The following ZNF90 variants were observed in gnomAD, a reference collection of about 807,000 sequenced individuals.
ZNF90 encodes zinc finger protein HTF9.
Under a neutral mutation model 12.0 loss-of-function variants are expected in ZNF90, and 11 were observed. The observed-to-expected ratio is 0.92, with a 90% CI of 0.58 to 1.52. ZNF90 has a LOEUF of 1.52. Ranked by LOEUF, ZNF90 falls within the 40% of genes most tolerant of loss-of-function variation. The pLI is 0.00. For missense variants in ZNF90, 765 were observed against 711.5 expected, an observed-to-expected ratio of 1.08 and a Z score of -0.86; for synonymous variants, 232 against 240.1, an observed-to-expected ratio of 0.97 and a Z score of 0.31.
intron 1 of ZNF90, among the ~76,000 whole-genome samples, chr19:20,092,804 C>T (rs1467998729): frequency 8.6e-5 from 13 of 152,012 alleles, no homozygotes; most frequent in African/African-American, 1.9e-4. Context: ...GGGGGATACC[C>T]GATATCCTTT....
At chr19:20,084,708 T>C (rs967051532) in intron 1 of ZNF90, among the ~76,000 whole-genome samples, 1 of 152,234 alleles carries the variant, frequency 6.6e-6, no homozygotes, top group African/African-American at 2.4e-5. Context: ...TGGTGTCTCA[T>C]TGTGATTTTT....
At chr19:20,086,739 A>G (rs1172769875) in intron 1 of ZNF90, among the ~76,000 whole-genome samples, 1 of 152,090 alleles carries the variant, frequency 6.6e-6, no homozygotes, top group African/African-American at 2.4e-5. Context: ...AATGATTTAT[A>G]CTTACTTAAG....
intron 3 of ZNF90, among the ~76,000 whole-genome samples, chr19:20,106,657 G>T (rs1555704512): frequency 6.6e-6 from 1 of 152,216 alleles, no homozygotes; most frequent in Non-Finnish European, 1.5e-5. Context: ...GTTTCACCGT[G>T]TTAGCCTGGA....
At chr19:20,107,411 TAGA>T (rs2089049600) in intron 3 of ZNF90, among the ~76,000 whole-genome samples, 1 of 152,178 alleles carries the variant, frequency 6.6e-6, no homozygotes, top group Admixed American at 6.5e-5. Context: ...GCCTTCTGAC[TAGA>T]AGGCTTCTCA....
intron 1 of ZNF90, among the ~76,000 whole-genome samples, chr19:20,097,741 G>A (rs1485163935): frequency 6.6e-6 from 1 of 152,142 alleles, no homozygotes; most frequent in Non-Finnish European, 1.5e-5. Context: ...TATCTGAAAA[G>A]TGCAAGTACT....
intron 3 of ZNF90, among the ~76,000 whole-genome samples, chr19:20,114,626 G>A (rs141866356): frequency 1.6e-3 from 244 of 151,884 alleles, no homozygotes; most frequent in Middle Eastern, 6.8e-3. Flanking sequence ...CTCTAATTCC[G>A]TTTTTGTCAT....
At position 20,079,300 on chromosome 19, in the gene ZNF90, A is replaced by T. The variant is rs146994003; in HGVS notation, c.3+1165A>T. Among the ~76,000 whole-genome samples the T allele has an allele frequency of 5.3e-3, 777 of 146,640 alleles. 6 individuals are homozygous for T. The highest frequency in any genetic ancestry group is 0.02 in the African/African-American group (747 of 37,304). On this transcript the variant is annotated intron_variant, in intron 1 of 3. Transcript: ENST00000418063. ...CTAAGGCTAATATTAAGCCTGCAAA[A>T]GGAGGGTTTTTTTTTTTTTTTTGAG...
intron 3 of ZNF90, among the ~76,000 whole-genome samples, chr19:20,112,321 T>TTA (rs2089097062): frequency 6.6e-6 from 1 of 151,546 alleles, no homozygotes; most frequent in South Asian, 2.1e-4. Context: ...CCTGGCCTTT[T>TTA]TATTATTATT....
chr19:20,100,813 A>C (rs2122501417), intron 1 of ZNF90, among the ~76,000 whole-genome samples: 1 of 152,314 alleles, frequency 6.6e-6, no homozygotes, highest in Non-Finnish European at 1.5e-5. Flanking sequence ...CACATCTGAC[A>C]AATCAGGTAG....
At position 20,118,337 on chromosome 19, in the gene ZNF90, T is replaced by G. The variant is rs1349617396; in HGVS notation, c.783T>G (p.Asp261Glu). The change falls in exon 4 of 4, where the codon GAT (aspartate) becomes GAG (glutamate). Residue 261 changes from aspartate (D) to glutamate (E), a missense_variant. Asp to Glu is a conservative substitution (Grantham distance 45). Coordinates refer to ENST00000418063, the MANE Select transcript of ZNF90 (RefSeq NM_007138.2). ...HTGEKRYKCE[D>E]CGKELKYSST... is the part of the protein sequence containing the mutation. The stretch of plus-strand genomic sequence containing the variant: ...GAGAGAAACGGTACAAATGTGAAGA[T>G]TGTGGCAAAGAATTAAAGTATTCCT... The G allele has an allele frequency of 1.3e-6, 2 of 1,552,284 alleles. No homozygotes were observed. The highest frequency in any genetic ancestry group is 2.8e-5 in the African/African-American group (2 of 71,390).
At chr19:20,107,150 G>GCTTCAA (rs1555704580) in intron 3 of ZNF90, 3 of 384,022 alleles carry the variant, frequency 7.8e-6, no homozygotes, top group East Asian at 1.4e-4. Context: ...AACTGACACT[G>GCTTCAA]AGTCATTGAA....
At position 20,118,714 on chromosome 19, in the gene ZNF90, A is replaced by G; in HGVS notation, c.1160A>G (p.His387Arg). 4 of 1,564,958 alleles carry G rather than the reference A, an allele frequency of 2.6e-6. No homozygotes were observed. Among genetic ancestry groups the G allele is most frequent in the Non-Finnish European group, 3.5e-6 (4 of 1,155,732 alleles). Reference sequence around the variant, plus strand: ...ATTTCATCCTCACTCCTTTATAAACATAAGATAAGTCATAGTGAAAAGAAA... The same window carrying G: ...ATTTCATCCTCACTCCTTTATAAACGTAAGATAAGTCATAGTGAAAAGAAA... Reference protein sequence around the residue: ...AFISSSLLYKHKISHSEKKPY... With the variant: ...AFISSSLLYKRKISHSEKKPY... The change falls in exon 4 of 4, where the codon CAT (histidine) becomes CGT (arginine). Residue 387 changes from histidine to arginine, a missense_variant. Coordinates refer to ENST00000418063, the MANE Select transcript of ZNF90 (RefSeq NM_007138.2).
intron 1 of ZNF90, among the ~76,000 whole-genome samples, chr19:20,082,139 A>T (rs895827800): frequency 5.9e-5 from 9 of 151,798 alleles, no homozygotes; most frequent in Non-Finnish European, 1.0e-4. Flanking sequence ...AAATTATGTC[A>T]TGGGGGTTTG....
At chr19:20,112,693 ATCT>A (rs1178987930) in intron 3 of ZNF90, among the ~76,000 whole-genome samples, 1 of 152,136 alleles carries the variant, frequency 6.6e-6, no homozygotes, top group Non-Finnish European at 1.5e-5. Flanking sequence ...GAAAGTCTTT[ATCT>A]TCTTTTTGAA....
intron 3 of ZNF90, among the ~76,000 whole-genome samples, chr19:20,117,060 A>G (rs1555705740): frequency 1.4e-5 from 2 of 142,034 alleles, no homozygotes; most frequent in African/African-American, 6.0e-5. Context: ...AGAGAGAGAG[A>G]GAGACAGAAT....
rs534516436 is a variant in ZNF90, at chr19:20,106,734, T to A, written c.226+1418T>A. On this transcript the variant is annotated intron_variant, in intron 3 of 3. Transcript: ENST00000418063. ...TCCCAAAGTGCTAGGATTACAGGCG[T>A]GAGCCACTGCGCCCGGCCCAGGTTT... is the stretch of plus-strand genomic sequence containing the variant. Among the ~76,000 whole-genome samples, 261 of 152,340 alleles carry A rather than the reference T, an allele frequency of 1.7e-3. 3 individuals are homozygous for A. The highest frequency in any genetic ancestry group is 9.9e-3 in the South Asian group (48 of 4,832).
chr19:20,100,009 C>T (rs996008988), intron 1 of ZNF90, among the ~76,000 whole-genome samples: 17 of 152,052 alleles, frequency 1.1e-4, no homozygotes, highest in Admixed American at 2.6e-4. Flanking sequence ...AGAAGTGAAC[C>T]GCCAAGCGGA....
chr19:20,095,384 G>A (rs1389613656), intron 1 of ZNF90, among the ~76,000 whole-genome samples: 2 of 152,098 alleles, frequency 1.3e-5, no homozygotes, highest in Admixed American at 6.6e-5. Flanking sequence ...AGGCATTTAG[G>A]TTTTAGGTCA....
At chr19:20,117,034 T>TGTGTGC (rs2089143278) in intron 3 of ZNF90, among the ~76,000 whole-genome samples, 1 of 148,674 alleles carries the variant, frequency 6.7e-6, no homozygotes, top group Non-Finnish European at 1.5e-5. Context: ...TGTGTGTGTG[T>TGTGTGC]GTGTGTGTGT....
Sources: gnomAD v4.1 joint callset for allele counts (sites outside exome capture counted in the v4.1 genomes callset) on GRCh38, gnomAD v4.1.1 for gene constraint, MANE v1.5 for transcripts, NCBI Gene and HGNC (gene_info 2026-07-23, HGNC 2026-07-21) for gene names.